Variants in ZC3HAV1 observed in about 807,000 individuals in gnomAD.
The protein encoded by ZC3HAV1 is zinc finger CCCH-type containing, antiviral 1, also known as zinc finger CCCH-type antiviral protein 1.
Under a neutral mutation model 86.6 loss-of-function variants are expected in ZC3HAV1, and 41 were observed. The ratio of observed to expected loss-of-function variants is 0.47; its 90% confidence interval spans 0.37 to 0.61. ZC3HAV1 has a LOEUF of 0.61. Ranked by LOEUF, ZC3HAV1 falls within the 20% of genes least tolerant of loss-of-function variation. The pLI is 0.00. For missense variants in ZC3HAV1, 964 were observed against 1,141.1 expected (o/e 0.84, Z 2.24); for synonymous variants, 421 against 432.1 (o/e 0.97, Z 0.32).
intron 4 of ZC3HAV1, chr7:139,079,125 T>C: frequency 6.5e-7 from 1 of 1,536,168 alleles, no homozygotes; most frequent in Non-Finnish European, 8.7e-7. Context: ...CCTGTTGTCT[T>C]CCTTGTGAGC....
intron 9 of ZC3HAV1, among the ~76,000 whole-genome samples, chr7:139,056,488 T>A (rs1449170697): frequency 2.0e-5 from 3 of 146,936 alleles, no homozygotes; most frequent in Non-Finnish European, 4.5e-5. Flanking sequence ...CAGCTCAACC[T>A]CCTGGGCTCA....
In ZC3HAV1 at chr7:139,073,919, G is replaced by A. The variant is rs1469183170; in HGVS notation, c.1809C>T (p.Phe603=). ...SSVTKPANSV[F]TTKWIWYWKN... The stretch of plus-strand genomic sequence containing the variant: ...TCCAATACCAAATCCATTTGGTGGT[G>A]AAGACAGAATTGGCTGGCTTGGTGA... Residue 603 remains phenylalanine (F), a synonymous_variant, in exon 7 of 13, where the codon TTC becomes TTT. Transcript: ENST00000242351. 6.2e-7 allele frequency: 1 copy of A among 1,614,058 alleles called. No individual in the cohort carries two copies.
chr7:139,102,115 A>C (rs992711220), intron 1 of ZC3HAV1, among the ~76,000 whole-genome samples: 2 of 152,138 alleles, frequency 1.3e-5, no homozygotes, highest in African/African-American at 4.8e-5. Flanking sequence ...TTAATAGCAA[A>C]TACTTAAAAC....
intron 1 of ZC3HAV1, among the ~76,000 whole-genome samples, chr7:139,091,222 A>G (rs986655904): frequency 1.3e-5 from 2 of 152,180 alleles, no homozygotes; most frequent in Admixed American, 6.5e-5. Context: ...CCAGCAGGCC[A>G]GGCGCGGTGG....
At position 139,078,662 on chromosome 7, in the gene ZC3HAV1, C is replaced by G. The variant is rs942414088; in HGVS notation, c.1472-9G>C. The G allele has an allele frequency of 8.4e-6, 13 of 1,551,784 alleles. No individual in the cohort carries two copies. Among genetic ancestry groups the G allele is most frequent in the Non-Finnish European group, 1.1e-5 (13 of 1,156,490 alleles). On this transcript the variant is annotated splice_polypyrimidine_tract_variant and intron_variant, in intron 4 of 12. Coordinates refer to ENST00000242351, the MANE Select transcript of ZC3HAV1 (RefSeq NM_020119.4). ...GACATCAGATAAAGAATCTATGAAA[C>G]AAAAAAGGATGCATGTATGCTGATC...
intron 2 of ZC3HAV1, among the ~76,000 whole-genome samples, chr7:139,088,134 T>C (rs1163650207): frequency 6.6e-6 from 1 of 152,152 alleles, no homozygotes; most frequent in Non-Finnish European, 1.5e-5. Flanking sequence ...CCATTATGTT[T>C]CTATGCCTCT....
At chr7:139,088,047 A>AAAAAAAAAG in intron 2 of ZC3HAV1, among the ~76,000 whole-genome samples, 1 of 150,818 alleles carries the variant, frequency 6.6e-6, no homozygotes, top group Admixed American at 6.6e-5. Flanking sequence ...AAAAAAAAAA[A>AAAAAAAAAG]AAAAAAAAGA....
chr7:139,059,607 ACT>A (rs1165859107), intron 9 of ZC3HAV1, among the ~76,000 whole-genome samples: 1 of 147,790 alleles, frequency 6.8e-6, no homozygotes, highest in Non-Finnish European at 1.5e-5. Context: ...ACAGAGTAAG[ACT>A]CTGTCAAAAA....
chr7:139,072,332 G>A (rs1584852700), intron 7 of ZC3HAV1, among the ~76,000 whole-genome samples: 1 of 151,774 alleles, frequency 6.6e-6, no homozygotes, highest in Non-Finnish European at 1.5e-5. Flanking sequence ...TTACAAGCAC[G>A]CGCCACCACA....
At chr7:139,083,181 C>T (rs1385050918) in intron 3 of ZC3HAV1, among the ~76,000 whole-genome samples, 2 of 147,612 alleles carry the variant, frequency 1.4e-5, no homozygotes, top group Non-Finnish European at 1.5e-5. Context: ...ATGTTTGTTT[C>T]TTTTCCTTAA....
At chr7:139,093,252 A>C (rs1817483621) in intron 1 of ZC3HAV1, among the ~76,000 whole-genome samples, 1 of 152,110 alleles carries the variant, frequency 6.6e-6, no homozygotes, top group Non-Finnish European at 1.5e-5. Context: ...ACAAAAACAG[A>C]TCTGAAACTT....
At chr7:139,090,019 G>A (rs143673188) in intron 1 of ZC3HAV1, among the ~76,000 whole-genome samples, 78 of 151,854 alleles carry the variant, frequency 5.1e-4, no homozygotes, top group African/African-American at 1.6e-3. Flanking sequence ...TCCTGCGTTC[G>A]AGCAATCCTC....
intron 1 of ZC3HAV1, among the ~76,000 whole-genome samples, chr7:139,103,995 G>T (rs891178998): frequency 4.6e-5 from 7 of 152,180 alleles, no homozygotes; most frequent in African/African-American, 1.7e-4. Flanking sequence ...TTAGGAAAGG[G>T]AAATGAGACT....
intron 1 of ZC3HAV1, among the ~76,000 whole-genome samples, chr7:139,100,533 CA>C (rs774352815): frequency 6.9e-6 from 1 of 144,430 alleles, no homozygotes; most frequent in Non-Finnish European, 1.5e-5. Flanking sequence ...GGCTCTGTCT[CA>C]AAAAAAAACA....
intron 1 of ZC3HAV1, among the ~76,000 whole-genome samples, chr7:139,092,307 G>A (rs1188543492): frequency 6.6e-6 from 1 of 152,172 alleles, no homozygotes; most frequent in African/African-American, 2.4e-5. Context: ...GAGCCAAGAT[G>A]GAGTCTGTCT....
At chr7:139,065,038 C>A (rs906816834) in intron 7 of ZC3HAV1, 39 bp from the exon 8 acceptor site, 1 of 1,611,662 alleles carries the variant, frequency 6.2e-7, no homozygotes, top group Middle Eastern at 1.7e-4. Context: ...TCAGGGTAGG[C>A]TTTTAGGAAA....
Position 139,109,494 on chromosome 7 carries a change from C to T in ZC3HAV1, c.-163G>A, listed in dbSNP as rs542140485. The T allele has an allele frequency of 1.6e-5, 14 of 857,904 alleles. No individual in the cohort carries two copies. The African/African-American group carries it at 2.3e-4, about 14-fold the overall frequency. The allele number at this position is 857,904 out of a possible 1,614,324, so 53.1% of individuals were successfully genotyped here. ...CTCCGTCGCCGTTAGCCCAGCCCAG[C>T]GATCCACTCTCGGCTCTCAGGTCAA... On this transcript the variant is annotated 5_prime_UTR_variant, in exon 1 of 13. Transcript: ENST00000242351.
Position 139,089,607 on chromosome 7 carries a change from G to A in ZC3HAV1, c.444+17C>T. 1.3e-6 allele frequency: 2 copies of A among 1,595,166 alleles called. No homozygotes were observed. Among genetic ancestry groups the A allele is most frequent in the East Asian group, 2.3e-5 (1 of 43,676 alleles). On this transcript the variant is annotated intron_variant, in intron 2 of 12. Coordinates refer to ENST00000242351, the MANE Select transcript of ZC3HAV1 (RefSeq NM_020119.4). ...CAGTAATATTCTCCCTCCTTAAACT[G>A]AGGAATCACAACTTACCTCGGGCAT... is the stretch of plus-strand genomic sequence containing the variant.
chr7:139,078,745 AATGG>A, intron 4 of ZC3HAV1, 92 bp from the exon 5 acceptor site: 1 of 958,780 alleles, frequency 1.0e-6, no homozygotes, highest in South Asian at 1.8e-5. Flanking sequence ...GAATATCTGA[AATGG>A]GGGCCATGTT....
Sources: gnomAD v4.1 joint callset for allele counts (sites outside exome capture counted in the v4.1 genomes callset) on GRCh38, gnomAD v4.1.1 for gene constraint, MANE v1.5 for transcripts, NCBI Gene and HGNC (gene_info 2026-07-23, HGNC 2026-07-21) for gene names.